Variants in IPO9 observed in about 807,000 individuals in gnomAD.
The protein encoded by IPO9 is importin-9.
A neutral mutation model predicts 128.6 loss-of-function variants in IPO9; 28 were observed. That is an observed-to-expected ratio of 0.22 (90% CI 0.16 to 0.30). IPO9 has a LOEUF of 0.30. Among genes scored for constraint, IPO9 ranks in the 10% least tolerant of loss-of-function variants. IPO9 has a pLI of 1.00. For missense variants in IPO9, 935 were observed against 1,293.9 expected, an observed-to-expected ratio of 0.72 and a Z score of 4.26; for synonymous variants, 455 against 475.8, an observed-to-expected ratio of 0.96 and a Z score of 0.57.
At chr1:201,854,954 C>A in intron 8 of IPO9, 31 bp downstream of exon 8, 1 of 1,534,302 alleles carries the variant, frequency 6.5e-7, no homozygotes, top group South Asian at 1.2e-5. Context: ...AAGGGAGCTA[C>A]TACCACCTAT....
At chr1:201,841,437 T>C (rs1362220860) in intron 1 of IPO9, among the ~76,000 whole-genome samples, 3 of 152,198 alleles carry the variant, frequency 2.0e-5, no homozygotes. Context: ...CCTCGAGGTT[T>C]GGATTGGCAT....
In IPO9 at chr1:201,849,253, T is replaced by G. The variant is rs150951068; in HGVS notation, c.514+659T>G. 2.7e-3 allele frequency among the ~76,000 whole-genome samples: 414 copies of G among 152,320 alleles called. 3 individuals carry two copies. The highest frequency in any genetic ancestry group is 0.011 in the East Asian group (55 of 5,180). ...ACTTCAACTTTTAGTTCAAAGAGAT[T>G]TGATGGATATCTCTTCTAAACCTGA... On this transcript the variant is annotated intron_variant, in intron 4 of 23. Transcript: ENST00000361565.
At position 201,880,549 on chromosome 1, in the gene IPO9, C is replaced by T. The variant is rs1183157504; in HGVS notation, c.*4495C>T. 2.0e-5 allele frequency: 3 copies of T among 152,150 alleles called. No homozygotes were observed. Among genetic ancestry groups the T allele is most frequent in the Admixed American group, 2.0e-4 (3 of 15,280 alleles). 9.4% of individuals were successfully genotyped at this position (152,150 alleles called of 1,614,324 possible). A position where few individuals can be genotyped will look rare whatever the true frequency, so the allele number is the denominator to read the frequency against. On this transcript the variant is annotated 3_prime_UTR_variant, in exon 24 of 24. Coordinates refer to ENST00000361565, the MANE Select transcript of IPO9 (RefSeq NM_018085.5). ...TGAAATACATACTATACTTTTGCAC[C>T]CCAGCTAAGCTGACCCATGATCAGT... is the stretch of plus-strand genomic sequence containing the variant.
chr1:201,856,997 G>T (rs1382061133), intron 10 of IPO9, 99 bp from the exon 11 acceptor site: 6 of 844,244 alleles, frequency 7.1e-6, no homozygotes, highest in Non-Finnish European at 1.2e-5. Flanking sequence ...AAAGGCTAGA[G>T]TTTTTTCAGG....
At chr1:201,859,180 A>AATAAATATATATAT (rs371428335) in intron 13 of IPO9, among the ~76,000 whole-genome samples, 186 bp downstream of exon 13, 4,110 of 83,026 alleles carry the variant, frequency 0.05, 402 homozygotes, top group Admixed American at 0.087. Flanking sequence ...CTCAAAGTAT[A>AATAAATATATATAT]ATATATATAT....
chr1:201,874,102 G>T, intron 20 of IPO9, 148 bp from the exon 21 acceptor site: 2 of 764,342 alleles, frequency 2.6e-6, no homozygotes, highest in Middle Eastern at 3.9e-4. Flanking sequence ...TTAACTTTAA[G>T]TCACTCTTTG....
chr1:201,857,108 A>G lies in IPO9; in HGVS notation c.1135A>G (p.Thr379Ala). ...TTGATCTTTTCAGATTAAAGTATGGACAGCCAACCCCCAACAATTTGTAGA... is the reference window on the plus strand; with the variant it reads ...TTGATCTTTTCAGATTAAAGTATGGGCAGCCAACCCCCAACAATTTGTAGA... ...QITEEQIKVW[T>A]ANPQQFVEDE... Residue 379 changes from threonine (T) to alanine (A), a missense_variant, in exon 11 of 24, where the codon ACA (threonine) becomes GCA (alanine). By Grantham distance (58) the Thr-to-Ala change is moderately conservative. Transcript: ENST00000361565. The G allele has an allele frequency of 6.2e-7, 1 of 1,608,022 alleles. No individual in the cohort carries two copies. The highest frequency in any genetic ancestry group is 8.5e-7 in the Non-Finnish European group (1 of 1,174,378).
chr1:201,839,216 A>G (rs906573532), intron 1 of IPO9, among the ~76,000 whole-genome samples: 67 of 151,302 alleles, frequency 4.4e-4, no homozygotes, highest in African/African-American at 1.6e-3. Context: ...CACTGCGCCC[A>G]GCCTAGAGGA....
chr1:201,859,443 A>G (rs909588376), intron 13 of IPO9, among the ~76,000 whole-genome samples: 1 of 151,836 alleles, frequency 6.6e-6, no homozygotes, highest in Middle Eastern at 3.4e-3. Flanking sequence ...GTTCCCATTC[A>G]TGGTTGTTTT....
Position 201,854,693 on chromosome 1 carries a change from G to A in IPO9, c.789G>A (p.Gly263=), listed in dbSNP as rs1201562596. Residue 263 remains glycine (G), a synonymous_variant, in exon 7 of 24, where the codon GGG becomes GGA. Coordinates refer to ENST00000361565, the MANE Select transcript of IPO9 (RefSeq NM_018085.5). ...QIPDGPTSDS[G]FKMEVLKAVT... ...CAGATGGCCCCACATCTGACAGTGG[G>A]TTTAAGATGGAGGTCCTAAAGGTAA... 1 of 1,614,204 alleles carries A rather than the reference G, an allele frequency of 6.2e-7. No individual in the cohort carries two copies. The highest frequency in any genetic ancestry group is 8.5e-7 in the Non-Finnish European group (1 of 1,180,034).
rs1391897187 is a variant in IPO9, at chr1:201,868,795, C to T, written c.2003C>T (p.Ala668Val). ...PADKIPAGLC[A>V]TAIDILTTVV... is the part of the protein sequence containing the mutation. The stretch of plus-strand genomic sequence containing the variant: ...GACAAGATTCCTGCAGGGCTTTGTG[C>T]GGTAAGTGGCCGTGTGTGTGTGTGT... Residue 668 changes from alanine (A) to valine (V), a missense_variant and splice_region_variant, in exon 16 of 24, where the codon GCG becomes GTG. By Grantham distance (64) the Ala-to-Val change is moderately conservative (BLOSUM62 0). Around this residue, in one of 3 missense-constraint regions of IPO9, gnomAD observed 741 missense variants for 1,019.1 expected, o/e 0.73. Transcript: ENST00000361565. The T allele has an allele frequency of 7.6e-6, 12 of 1,588,536 alleles. No homozygotes were observed. Among genetic ancestry groups the T allele is most frequent in the African/African-American group, 1.5e-5 (1 of 68,840 alleles).
chr1:201,831,560 G>T (rs1679833057), intron 1 of IPO9, among the ~76,000 whole-genome samples: 1 of 152,150 alleles, frequency 6.6e-6, no homozygotes, highest in Non-Finnish European at 1.5e-5. Flanking sequence ...CTCAGATGCG[G>T]TCTGCTTTCT....
In IPO9 at chr1:201,855,033, T is replaced by C. The variant is rs979979595; in HGVS notation, c.912-91T>C. ...TCTTCTTACACAGGCTTTTTTAAGG[T>C]GTCTACTTTTAGTGTTGGAATATGT... On this transcript the variant is annotated intron_variant, in intron 8 of 23. Coordinates refer to ENST00000361565, the MANE Select transcript of IPO9 (RefSeq NM_018085.5). 4 of 1,293,888 alleles carry C rather than the reference T, an allele frequency of 3.1e-6. No homozygotes were observed. The African/African-American group carries it at 5.9e-5, about 19-fold the overall frequency. The allele number at this position is 1,293,888 out of a possible 1,614,324, so 80.2% of individuals were successfully genotyped here.
At chr1:201,854,453 G>T in intron 6 of IPO9, 142 bp from the exon 7 acceptor site, 1 of 985,306 alleles carries the variant, frequency 1.0e-6, no homozygotes, top group Non-Finnish European at 1.4e-6. Flanking sequence ...CACCTTCATT[G>T]ACTTTATAGC....
At chr1:201,837,517 T>C (rs1679961158) in intron 1 of IPO9, among the ~76,000 whole-genome samples, 1 of 152,214 alleles carries the variant, frequency 6.6e-6, no homozygotes, top group Non-Finnish European at 1.5e-5. Context: ...AGTATTACCC[T>C]ACAGCTATAT....
chr1:201,871,587 T>G (rs1029784038), intron 19 of IPO9, among the ~76,000 whole-genome samples: 2 of 151,902 alleles, frequency 1.3e-5, no homozygotes, highest in Non-Finnish European at 2.9e-5. Flanking sequence ...GAGAGAGGGT[T>G]TCACCATGTT....
chr1:201,841,458 A>C (rs1028848108), intron 1 of IPO9, among the ~76,000 whole-genome samples: 3 of 152,240 alleles, frequency 2.0e-5, no homozygotes, highest in African/African-American at 4.8e-5. Flanking sequence ...CTGGGCTATC[A>C]GTCAGTATGA....
Position 201,829,298 on chromosome 1 carries a change from C to G in IPO9, c.89C>G (p.Thr30Ser). The change falls in exon 1 of 24, where the codon ACC becomes AGC. Residue 30 changes from threonine to serine, a missense_variant. By Grantham distance (58) the Thr-to-Ser change is moderately conservative (BLOSUM62 1). Transcript: ENST00000361565. ...GLKEALVDTL[T>S]GILSPVQEVR... ...AAGGAAGCGTTAGTGGATACGCTCA[C>G]CGGGATCCTATCCCCAGTACAGGAG... 6.3e-7 allele frequency: 1 copy of G among 1,598,590 alleles called. No individual in the cohort carries two copies. The highest frequency in any genetic ancestry group is 1.1e-5 in the South Asian group (1 of 88,222).
chr1:201,850,743 T>A (rs1680199072), intron 4 of IPO9: 1 of 152,230 alleles, frequency 6.6e-6, no homozygotes, highest in Non-Finnish European at 1.5e-5. Context: ...AAACTTGTTA[T>A]TATGCCATCT....
Sources: gnomAD v4.1 joint callset for allele counts (sites outside exome capture counted in the v4.1 genomes callset) on GRCh38, gnomAD v4.1.1 for gene constraint, gnomAD v4.1.1 regional missense constraint, MANE v1.5 for transcripts, NCBI Gene and HGNC (gene_info 2026-07-23, HGNC 2026-07-21) for gene names.